RRM2: variants seen among roughly 807,000 people sequenced by gnomAD.
RRM2 encodes the protein ribonucleotide reductase regulatory subunit M2.
A neutral mutation model predicts 45.9 loss-of-function variants in RRM2; 6 were observed. The observed-to-expected ratio is 0.13, with a 90% CI of 0.07 to 0.26. The LOEUF is 0.26. RRM2 is among the 10% of genes least tolerant of loss of function. RRM2 has a pLI of 1.00. For synonymous variants in RRM2, 177 were observed against 173.0 expected (o/e 1.02, Z -0.18); for missense variants, 343 against 489.5 (o/e 0.70, Z 2.82).
At chr2:10,140,338 T>C (rs191204141), upstream of RRM2, among the ~76,000 whole-genome samples, 698 of 152,366 alleles carry the variant, frequency 4.6e-3, 4 homozygotes, top group Admixed American at 0.011. Flanking sequence ...AATAGCTTCG[T>C]TGGGGCGCAG....
intron 3 of RRM2, among the ~76,000 whole-genome samples, chr2:10,173,210 G>A (rs891196571): frequency 1.3e-5 from 2 of 152,122 alleles, no homozygotes; most frequent in Non-Finnish European, 2.9e-5. Flanking sequence ...AAGCTTGGCC[G>A]GCATGGGTTC....
upstream of RRM2, among the ~76,000 whole-genome samples, chr2:10,138,596 C>T (rs963760891): frequency 4.6e-5 from 7 of 152,100 alleles, no homozygotes; most frequent in African/African-American, 7.2e-5. Flanking sequence ...CCACTGCACC[C>T]GGCCTTTCAC....
intron 3 of RRM2, among the ~76,000 whole-genome samples, chr2:10,180,358 T>C (rs1415274819): frequency 6.6e-6 from 1 of 152,240 alleles, no homozygotes; most frequent in African/African-American, 2.4e-5. Flanking sequence ...AGGCTGGGCA[T>C]GGCCATTGTA....
intron 3 of RRM2, among the ~76,000 whole-genome samples, chr2:10,174,544 C>T (rs1468163856): frequency 6.8e-6 from 1 of 147,150 alleles, no homozygotes; most frequent in Non-Finnish European, 1.5e-5. Context: ...CAGAAGACCT[C>T]AATGACTGTA....
At chr2:10,182,005 A>G (rs923543078) in intron 3 of RRM2, among the ~76,000 whole-genome samples, 5 of 152,018 alleles carry the variant, frequency 3.3e-5, no homozygotes, top group African/African-American at 1.2e-4. Flanking sequence ...GGTTCAAGCA[A>G]TCCTCATTCC....
intron 3 of RRM2, among the ~76,000 whole-genome samples, chr2:10,182,028 A>T (rs1664070395): frequency 1.3e-5 from 2 of 151,938 alleles, no homozygotes; most frequent in South Asian, 4.2e-4. Flanking sequence ...AGCCTCCCAA[A>T]GTGCTGGGAT....
intron 3 of RRM2, among the ~76,000 whole-genome samples, chr2:10,151,225 G>C (rs986467377): frequency 1.3e-5 from 2 of 151,934 alleles, no homozygotes; most frequent in African/African-American, 4.8e-5. Flanking sequence ...CCATTCACCT[G>C]GTGATGGACA....
At chr2:10,144,960 G>A (rs936487710) in intron 3 of RRM2, among the ~76,000 whole-genome samples, 6 of 152,180 alleles carry the variant, frequency 3.9e-5, no homozygotes, top group African/African-American at 1.2e-4. Flanking sequence ...CATGAGCACC[G>A]GGCCGGGAGC....
At position 10,129,552 on chromosome 2, in the gene RRM2, G is replaced by A; in HGVS notation, c.*166G>A. On this transcript the variant is annotated 3_prime_UTR_variant, in exon 10 of 10. Transcript: ENST00000304567. This position sits in a 1 kb window ranked among gnomAD's most constrained non-coding sequence, Gnocchi z 4.8. ...TCACAACCAGTCCTGTCTGTTTATA[G>A]TGCTGGTAGTATCACCTTTTGCCAG... 1.4e-6 allele frequency: 1 copy of A among 712,724 alleles called. No individual in the cohort carries two copies. The highest frequency in any genetic ancestry group is 2.3e-6 in the Non-Finnish European group (1 of 436,966). 44.1% of individuals were successfully genotyped at this position (712,724 alleles called of 1,614,324 possible).
At chr2:10,155,840 C>G (rs547742772) in intron 3 of RRM2, 1 of 152,244 alleles carries the variant, frequency 6.6e-6, no homozygotes, top group Non-Finnish European at 1.5e-5. Flanking sequence ...TTACCTGGCT[C>G]CACTGTGCCC....
At chr2:10,134,653 G>T (rs1662961746), downstream of RRM2, among the ~76,000 whole-genome samples, 3 of 152,200 alleles carry the variant, frequency 2.0e-5, no homozygotes, top group South Asian at 6.2e-4. Flanking sequence ...ACACGGTATG[G>T]TGAAGAAATA....
At chr2:10,175,755 C>T (rs528583586) in intron 3 of RRM2, among the ~76,000 whole-genome samples, 37 of 133,748 alleles carry the variant, frequency 2.8e-4, no homozygotes, top group Non-Finnish European at 6.1e-4. Context: ...CACCACCACG[C>T]TCAGCTAATT....
Position 10,129,776 on chromosome 2 carries a change from A to G in RRM2, c.*390A>G. ...AATATAAACCTGGCACTTTACAAAC[A>G]AATAAACATTGTTTGTACTCACAAG... On this transcript the variant is annotated 3_prime_UTR_variant, in exon 10 of 10. Coordinates refer to ENST00000304567, the MANE Select transcript of RRM2 (RefSeq NM_001034.4). This position sits in a 1 kb window ranked among gnomAD's most constrained non-coding sequence, Gnocchi z 4.8. 5.8e-6 allele frequency: 1 copy of G among 170,970 alleles called. No individual in the cohort carries two copies. The highest frequency in any genetic ancestry group is 1.2e-5 in the Non-Finnish European group (1 of 80,538). The allele number at this position is 170,970 out of a possible 1,614,324, so 10.6% of individuals were successfully genotyped here. A position where few individuals can be genotyped will look rare whatever the true frequency, so the allele number is the denominator to read the frequency against.
chr2:10,138,161 C>T (rs185018182), upstream of RRM2, among the ~76,000 whole-genome samples: 609 of 132,152 alleles, frequency 4.6e-3, 4 homozygotes, highest in African/African-American at 0.016. Flanking sequence ...CCATCATGCC[C>T]GGCTAATTTT....
In RRM2 at chr2:10,206,569, T is replaced by A. The variant is rs79660691; in HGVS notation, n.483-3742T>A. On this transcript the variant is annotated intron_variant and non_coding_transcript_variant, in intron 3 of 3. Coordinates refer to the RRM2 transcript ENST00000381786. Reference sequence around the variant, plus strand: ...AAGGTGGCAGTGGAAGGAGGAATTCTGACACATGCTTAACCGGAGTTCCAG... The same window carrying A: ...AAGGTGGCAGTGGAAGGAGGAATTCAGACACATGCTTAACCGGAGTTCCAG... Among the ~76,000 whole-genome samples the A allele has an allele frequency of 1.8e-3, 275 of 152,300 alleles. 2 individuals are homozygous for A. Among genetic ancestry groups the A allele is most frequent in the African/African-American group, 6.3e-3 (263 of 41,556 alleles).
downstream of RRM2, among the ~76,000 whole-genome samples, chr2:10,135,605 A>T (rs776217663): frequency 1.3e-5 from 2 of 152,158 alleles, no homozygotes; most frequent in Non-Finnish European, 2.9e-5. Context: ...AAAGCACAAA[A>T]TAGGATGGTA....
chr2:10,184,525 G>A (rs7580919), intron 3 of RRM2, among the ~76,000 whole-genome samples: 32,075 of 152,236 alleles, frequency 0.21, 3,717 homozygotes, highest in East Asian at 0.51. Context: ...GGTCCAAACC[G>A]TCCCTTCCAG....
chr2:10,209,575 A>G (rs1011708656), intron 3 of RRM2, among the ~76,000 whole-genome samples: 9 of 148,970 alleles, frequency 6.0e-5, no homozygotes, highest in Non-Finnish European at 1.3e-4. Context: ...ACGTGCTTGC[A>G]TGTGTGTGTG....
intron 3 of RRM2, among the ~76,000 whole-genome samples, chr2:10,208,432 A>T (rs1664700332): frequency 1.3e-5 from 2 of 152,236 alleles, no homozygotes; most frequent in African/African-American, 4.8e-5. Context: ...TAAAATCATT[A>T]AGGCATCAAA....
Sources: allele counts gnomAD v4.1 joint callset (sites outside exome capture counted in the v4.1 genomes callset), GRCh38; gene constraint gnomAD v4.1.1; non-coding constraint Gnocchi (gnomAD v3.1); transcripts MANE v1.5; gene names NCBI Gene and HGNC (gene_info 2026-07-23, HGNC 2026-07-21).